The following PPARA variants were observed in gnomAD, a reference collection of about 807,000 sequenced individuals.
The protein encoded by PPARA is peroxisome proliferator-activated receptor alpha.
Under a neutral mutation model 42.2 loss-of-function variants are expected in PPARA, and 22 were observed. That is an observed-to-expected ratio of 0.52 (90% confidence interval 0.37 to 0.74). PPARA has a LOEUF of 0.74. Among genes scored for constraint, PPARA ranks in the 30% least tolerant of loss-of-function variants. The pLI is 0.00. For missense variants in PPARA, 465 were observed against 608.2 expected, an observed-to-expected ratio of 0.76 and a Z score of 2.48; for synonymous variants, 242 against 239.3, an observed-to-expected ratio of 1.01 and a Z score of -0.10.
rs571611210 is a variant in PPARA, at chr22:46,173,924, G to T, written c.-126-2829G>T. On this transcript the variant is annotated intron_variant, in intron 2 of 8. Coordinates refer to ENST00000407236, the MANE Select transcript of PPARA (RefSeq NM_005036.6). The surrounding 1 kb of genome is among the most constrained non-coding windows in gnomAD (Gnocchi z 4.3). The stretch of plus-strand genomic sequence containing the variant: ...ATACCTATAAAGAAAGAAATTATGG[G>T]CTAGGTGCAGTGGCTCATGCCTGTA... Among the ~76,000 whole-genome samples, 59 of 152,096 alleles carry T rather than the reference G, an allele frequency of 3.9e-4. No individual in the cohort carries two copies. The highest frequency in any genetic ancestry group is 1.4e-3 in the African/African-American group (57 of 41,456).
chr22:46,163,427 G>A lies in PPARA; in HGVS notation c.-127+11457G>A, dbSNP rs1926519724. ...GAAGATACACTGCCTGCTTAGTTGTGGCTTCAGCCTTTGCTCCGTCACTGA... is the reference window on the plus strand; with the variant it reads ...GAAGATACACTGCCTGCTTAGTTGTAGCTTCAGCCTTTGCTCCGTCACTGA... On this transcript the variant is annotated intron_variant, in intron 2 of 8. Coordinates refer to ENST00000407236, the MANE Select transcript of PPARA (RefSeq NM_005036.6). The surrounding 1 kb of genome is among the most constrained non-coding windows in gnomAD (Gnocchi z 4.9). 1 of 152,158 alleles carries A rather than the reference G, an allele frequency of 6.6e-6. No homozygotes were observed. The highest frequency in any genetic ancestry group is 1.5e-5 in the Non-Finnish European group (1 of 68,036). 9.4% of individuals were successfully genotyped at this position (152,158 alleles called of 1,614,324 possible). A position where few individuals can be genotyped will look rare whatever the true frequency, so the allele number is the denominator to read the frequency against.
At chr22:46,172,957 A>G (rs536814280) in intron 2 of PPARA, among the ~76,000 whole-genome samples, 1 of 152,270 alleles carries the variant, frequency 6.6e-6, no homozygotes, top group African/African-American at 2.4e-5. Flanking sequence ...GTTCTGTCTT[A>G]TTTTTATGCA....
At position 46,183,702 on chromosome 22, in the gene PPARA, ATG is replaced by A. The variant is rs1930281367; in HGVS notation, c.-43+6867_-43+6868del. ...TATTGCAGTGAGCTGTAATTGCACCATGCACTCCAGCCTGGGTGAAAGAAGGA... is the reference window on the plus strand; with the variant it reads ...TATTGCAGTGAGCTGTAATTGCACCACACTCCAGCCTGGGTGAAAGAAGGA... On this transcript the variant is annotated intron_variant, in intron 3 of 8. Transcript: ENST00000407236. This position sits in a 1 kb window ranked among gnomAD's most constrained non-coding sequence, Gnocchi z 5.5. Among the ~76,000 whole-genome samples the A allele has an allele frequency of 1.3e-5, 2 of 152,206 alleles. No individual in the cohort carries two copies. Among genetic ancestry groups the A allele is most frequent in the Non-Finnish European group, 2.9e-5 (2 of 68,034 alleles).
At chr22:46,159,580 T>G in intron 2 of PPARA, among the ~76,000 whole-genome samples, 1 of 152,206 alleles carries the variant, frequency 6.6e-6, no homozygotes, top group Non-Finnish European at 1.5e-5. Context: ...TTAGAAAAAC[T>G]CGCTTTGTTA....
intron 5 of PPARA, among the ~76,000 whole-genome samples, chr22:46,217,784 A>T (rs1374387379): frequency 6.7e-6 from 1 of 148,556 alleles, no homozygotes; most frequent in Non-Finnish European, 1.5e-5. Flanking sequence ...TATTTGTCCT[A>T]ATCATTCCAG....
Position 46,153,185 on chromosome 22 carries a change from T to C in PPARA, c.-127+1215T>C, listed in dbSNP as rs928362601. ...ATCCTTTTTTTTTTTTTTTTTTTTTTTGTGACAGAGTTTTGCTCTTGTCAC... is the reference window on the plus strand; with the variant it reads ...ATCCTTTTTTTTTTTTTTTTTTTTTCTGTGACAGAGTTTTGCTCTTGTCAC... On this transcript the variant is annotated intron_variant, in intron 2 of 8. Coordinates refer to ENST00000407236, the MANE Select transcript of PPARA (RefSeq NM_005036.6). Among the ~76,000 whole-genome samples the C allele has an allele frequency of 2.8e-4, 41 of 148,086 alleles. 1 individual carries two copies. The highest frequency in any genetic ancestry group is 1.0e-3 in the African/African-American group (39 of 39,080).
chr22:46,151,155 G>A (rs917380108), intron 1 of PPARA: 4 of 152,310 alleles, frequency 2.6e-5, no homozygotes, highest in African/African-American at 9.6e-5. Context: ...AGGAAACCCG[G>A]GCCCCGGACA....
In PPARA at chr22:46,195,676, G is replaced by C. The variant is rs966077889; in HGVS notation, c.-42-2666G>C. 1.3e-5 allele frequency among the ~76,000 whole-genome samples: 2 copies of C among 152,130 alleles called. No homozygotes were observed. Among genetic ancestry groups the C allele is most frequent in the Non-Finnish European group, 2.9e-5 (2 of 68,024 alleles). ...ACCTCAAATGTGAACATATTTTTAC[G>C]CAAATGCATTTAATGGGTGAATATT... On this transcript the variant is annotated intron_variant, in intron 3 of 8. Coordinates refer to ENST00000407236, the MANE Select transcript of PPARA (RefSeq NM_005036.6). The surrounding 1 kb of genome is among the most constrained non-coding windows in gnomAD (Gnocchi z 4.6).
At chr22:46,206,168 C>G (rs1933280882) in intron 4 of PPARA, among the ~76,000 whole-genome samples, 1 of 152,166 alleles carries the variant, frequency 6.6e-6, no homozygotes, top group South Asian at 2.1e-4. Context: ...ATGGCGCTAT[C>G]TCGGCTCACT....
At chr22:46,189,717 T>C (rs1463038842) in intron 3 of PPARA, among the ~76,000 whole-genome samples, 1 of 151,844 alleles carries the variant, frequency 6.6e-6, no homozygotes, top group Non-Finnish European at 1.5e-5. Context: ...TTTTTCTTTT[T>C]TTTTTTTGAG....
In PPARA at chr22:46,204,188, A is replaced by G. The variant is rs1329705893; in HGVS notation, c.208+5597A>G. 2.6e-5 allele frequency among the ~76,000 whole-genome samples: 4 copies of G among 152,254 alleles called. No individual in the cohort carries two copies. ...CTCATCTGCATTGCAGCAAGCATCA[A>G]TAGTTCATTCTTCATCCATCATGTG... On this transcript the variant is annotated intron_variant, in intron 4 of 8. Coordinates refer to ENST00000407236, the MANE Select transcript of PPARA (RefSeq NM_005036.6). This position sits in a 1 kb window ranked among gnomAD's most constrained non-coding sequence, Gnocchi z 5.2.
rs188942733 is a variant in PPARA at position 46,170,520 on chromosome 22, A to G, written c.-126-6233A>G. Among the ~76,000 whole-genome samples the G allele has an allele frequency of 7.7e-3, 1,110 of 144,424 alleles. 12 individuals are homozygous for G. The highest frequency in any genetic ancestry group is 0.012 in the Admixed American group (162 of 13,382). 94.7% of individuals were successfully genotyped at this position (144,424 alleles called of 152,430 possible). ...TGTCTCAGCCTCCCAAAGTGCTGGG[A>G]TTACAGGTGTGAGCCACTGCACCGG... On this transcript the variant is annotated intron_variant, in intron 2 of 8. Coordinates refer to ENST00000407236, the MANE Select transcript of PPARA (RefSeq NM_005036.6).
intron 7 of PPARA, among the ~76,000 whole-genome samples, chr22:46,226,535 T>TA (rs553307432): frequency 5.4e-4 from 83 of 152,332 alleles, no homozygotes; most frequent in African/African-American, 2.0e-3. Context: ...GGGATTATCT[T>TA]AAAGTCTTTG....
intron 2 of PPARA, among the ~76,000 whole-genome samples, chr22:46,166,324 G>C (rs974990236): frequency 2.0e-5 from 3 of 152,022 alleles, no homozygotes; most frequent in African/African-American, 7.3e-5. Context: ...TTTTGTAAAA[G>C]TGGATACATC....
chr22:46,209,607 A>G (rs1240701156), intron 4 of PPARA, among the ~76,000 whole-genome samples: 1 of 152,130 alleles, frequency 6.6e-6, no homozygotes, highest in East Asian at 1.9e-4. Flanking sequence ...AATCCTATCC[A>G]GTGTATTTTC....
At position 46,232,359 on chromosome 22, in the gene PPARA, G is replaced by A; in HGVS notation, c.1159+120G>A. On this transcript the variant is annotated intron_variant, in intron 8 of 8. Transcript: ENST00000407236. This position sits in a 1 kb window ranked among gnomAD's most constrained non-coding sequence, Gnocchi z 5.3. Reference sequence around the variant, plus strand: ...TTCCAGTGGAGGGGACACTCACATGGTGGGAAGACGTCTGACCCCCAGTCA... The same window carrying A: ...TTCCAGTGGAGGGGACACTCACATGATGGGAAGACGTCTGACCCCCAGTCA... The A allele has an allele frequency of 1.0e-6, 1 of 971,096 alleles. No individual in the cohort carries two copies. The highest frequency in any genetic ancestry group is 1.7e-6 in the Non-Finnish European group (1 of 604,364). The allele number at this position is 971,096 out of a possible 1,614,324, so 60.2% of individuals were successfully genotyped here. A position where few individuals can be genotyped will look rare whatever the true frequency, so the allele number is the denominator to read the frequency against.
At chr22:46,194,760 G>A (rs1310452281) in intron 3 of PPARA, among the ~76,000 whole-genome samples, 4 of 151,550 alleles carry the variant, frequency 2.6e-5, no homozygotes, top group Admixed American at 2.6e-4. Flanking sequence ...TTTTAGTAGA[G>A]ACGGGGTTTC....
Position 46,215,344 on chromosome 22 carries a change from G to T in PPARA, c.369+11G>T, listed in dbSNP as rs1934376192. 14 of 1,614,156 alleles carry T rather than the reference G, an allele frequency of 8.7e-6. No individual in the cohort carries two copies. Among genetic ancestry groups the T allele is most frequent in the Non-Finnish European group, 1.2e-5 (14 of 1,180,018 alleles). On this transcript the variant is annotated intron_variant, in intron 5 of 8. Transcript: ENST00000407236. Reference sequence around the variant, plus strand: ...TGTGAAGGCTGCAAGGTAGAGGGGAGCTGGAACAGGGCCTGGTGGCCGCCA... The same window carrying T: ...TGTGAAGGCTGCAAGGTAGAGGGGATCTGGAACAGGGCCTGGTGGCCGCCA...
chr22:46,235,023 T>A lies in PPARA; in HGVS notation c.1160-110T>A. The A allele has an allele frequency of 1.3e-6, 2 of 1,501,426 alleles. No homozygotes were observed. The highest frequency in any genetic ancestry group is 1.8e-6 in the Non-Finnish European group (2 of 1,082,284). The allele number at this position is 1,501,426 out of a possible 1,614,324, so 93.0% of individuals were successfully genotyped here. ...TTGACAATATCTAAAGGCAGCTCAG[T>A]TTTTTTCTAAGAAAGGCCACATAAA... On this transcript the variant is annotated intron_variant, in intron 8 of 8. Transcript: ENST00000407236. The surrounding 1 kb of genome is among the most constrained non-coding windows in gnomAD (Gnocchi z 7.0).
Sources: gnomAD v4.1 joint callset for allele counts (sites outside exome capture counted in the v4.1 genomes callset) on GRCh38, gnomAD v4.1.1 for gene constraint, Gnocchi (gnomAD v3.1) non-coding constraint, MANE v1.5 for transcripts, NCBI Gene and HGNC (gene_info 2026-07-23, HGNC 2026-07-21) for gene names.